The following TONSL variants were observed in gnomAD, a reference collection of about 807,000 sequenced individuals.
TONSL encodes the protein tonsoku-like protein.
In TONSL, 112 loss-of-function variants were observed where a neutral mutation model predicts 147.1. The observed-to-expected ratio is 0.76, with a 90% CI of 0.65 to 0.89. TONSL has a LOEUF of 0.89. Ranked by LOEUF, TONSL falls within the 40% of genes least tolerant of loss-of-function variation. The pLI is 0.00. For missense variants in TONSL, 1,883 were observed against 1,864.6 expected, an observed-to-expected ratio of 1.01 and a Z score of -0.18; for synonymous variants, 868 against 801.5, an observed-to-expected ratio of 1.08 and a Z score of -1.40.
intron 7 of TONSL, 45 bp downstream of exon 7, chr8:144,441,992 C>A: frequency 1.3e-6 from 2 of 1,568,956 alleles, no homozygotes; most frequent in East Asian, 2.2e-5. Context: ...CCAGGCTCAC[C>A]CCTGCACACA....
intron 25 of TONSL, among the ~76,000 whole-genome samples, chr8:144,430,200 C>A (rs547595597): frequency 2.0e-5 from 3 of 152,166 alleles, no homozygotes; most frequent in African/African-American, 4.8e-5. Context: ...ACCCACCTCG[C>A]CCCCTAACCC....
rs1341748310 is a variant in TONSL, at chr8:144,436,399, G to A, written c.2034C>T (p.Ala678=). Residue 678 remains alanine, a synonymous_variant, in exon 17 of 26, where the codon GCC becomes GCT. Transcript: ENST00000409379. ...ASGQDPHSSQ[A]FHTPSSLLFD... ...ACAGAAGGCTGCTTGGGGTGTGGAAGGCCTGGGAGCTGTGGGGATCTGTGG... is the reference window on the plus strand; with the variant it reads ...ACAGAAGGCTGCTTGGGGTGTGGAAAGCCTGGGAGCTGTGGGGATCTGTGG... 2.0e-6 allele frequency: 3 copies of A among 1,506,808 alleles called. No homozygotes were observed. The highest frequency in any genetic ancestry group is 2.3e-5 in the East Asian group (1 of 43,998). The allele number at this position is 1,506,808 out of a possible 1,614,324, so 93.3% of individuals were successfully genotyped here.
At position 144,434,259 on chromosome 8, in the gene TONSL, G is replaced by C; in HGVS notation, c.3106C>G (p.Gln1036Glu). The change falls in exon 21 of 26, where the codon CAG (glutamine) becomes GAG (glutamate). Residue 1036 changes from glutamine to glutamate, a missense_variant. By Grantham distance (29) the Gln-to-Glu change is conservative (BLOSUM62 2). Coordinates refer to ENST00000409379, the MANE Select transcript of TONSL (RefSeq NM_013432.5). ...LGQGEHQQVLQAVELQGLGLS... is the reference protein window; with the variant it reads ...LGQGEHQQVLEAVELQGLGLS... ...CCCAAGCCCTGGAGCTCCACGGCCT[G>C]CAGCACCTGTTGGTGCTCCCCTGCG... is the stretch of plus-strand genomic sequence containing the variant. The C allele has an allele frequency of 6.6e-7, 1 of 1,516,056 alleles. No homozygotes were observed. The highest frequency in any genetic ancestry group is 2.3e-5 in the East Asian group (1 of 42,930). 93.9% of individuals were successfully genotyped at this position (1,516,056 alleles called of 1,614,324 possible). A position where few individuals can be genotyped will look rare whatever the true frequency, so the allele number is the denominator to read the frequency against.
Position 144,430,432 on chromosome 8 carries a change from G to A in TONSL, c.3915C>T (p.Pro1305=). ...ACAGGCCAAGGAAGCTAAGGCCTTG[G>A]GGCCGCTTTTGGAGGGTGGACAGGA... ...EELLSTLQKR[P]QGLSFLGLSG... The change falls in exon 25 of 26, where the codon CCC becomes CCT. Residue 1305 remains proline, a synonymous_variant. Transcript: ENST00000409379. 1.2e-6 allele frequency: 2 copies of A among 1,611,858 alleles called. No homozygotes were observed. Among genetic ancestry groups the A allele is most frequent in the Non-Finnish European group, 1.7e-6 (2 of 1,179,040 alleles).
In TONSL at chr8:144,429,112, T is replaced by G; in HGVS notation, c.*31A>C. 1.3e-6 allele frequency: 2 copies of G among 1,494,688 alleles called. No homozygotes were observed. The highest frequency in any genetic ancestry group is 1.8e-6 in the Non-Finnish European group (2 of 1,127,258). The allele number at this position is 1,494,688 out of a possible 1,614,324, so 92.6% of individuals were successfully genotyped here. A position where few individuals can be genotyped will look rare whatever the true frequency, so the allele number is the denominator to read the frequency against. ...CCAGCAGCTTCATTTATTAGGGGCT[T>G]CGGTGAGGGTGGGGAAAGGCAGCGC... On this transcript the variant is annotated 3_prime_UTR_variant, in exon 26 of 26. Transcript: ENST00000409379.
chr8:144,435,911 G>A lies in TONSL; in HGVS notation c.2522C>T (p.Pro841Leu), dbSNP rs201651076. The A allele has an allele frequency of 3.1e-5, 49 of 1,589,348 alleles. No homozygotes were observed. The African/African-American group carries it at 5.0e-4, about 16-fold the overall frequency. ...LAGDWLELDMPLTRSRRPRPR... is the reference protein window; with the variant it reads ...LAGDWLELDMLLTRSRRPRPR... The stretch of plus-strand genomic sequence containing the variant: ...GCGGGGCCGGCGGCTGCGGGTCAGG[G>A]GCATGTCCAGCTCCAGCCAGTCCCC... The change falls in exon 17 of 26, where the codon CCC (proline) becomes CTC (leucine). Residue 841 changes from proline (P) to leucine (L), a missense_variant. Physicochemically the swap from Pro to Leu is moderately conservative, Grantham distance 98 (BLOSUM62 -3). Transcript: ENST00000409379.
Position 144,428,792 on chromosome 8 carries a change from A to ATTTT in TONSL, c.*347_*350dup. ...GGGAGGCAGCAGCTTCATTTATTTT[A>ATTTT]TTTTTTTTTTTTTTTGAGACGGAGT... On this transcript the variant is annotated 3_prime_UTR_variant, in exon 26 of 26. Coordinates refer to ENST00000409379, the MANE Select transcript of TONSL (RefSeq NM_013432.5). The ATTTT allele has an allele frequency of 8.6e-6, 1 of 116,710 alleles. No homozygotes were observed. The highest frequency in any genetic ancestry group is 2.3e-4 in the South Asian group (1 of 4,386). The allele number at this position is 116,710 out of a possible 1,614,324, so 7.2% of individuals were successfully genotyped here.
chr8:144,435,450 G>A lies in TONSL; in HGVS notation c.2852+24C>T, dbSNP rs1010427. 0.55 allele frequency: 835,301 copies of A among 1,519,428 alleles called. 231,846 individuals carry two copies. Among genetic ancestry groups the A allele is most frequent in the Middle Eastern group, 0.64 (3,713 of 5,806 alleles). The allele number at this position is 1,519,428 out of a possible 1,614,324, so 94.1% of individuals were successfully genotyped here. ...GCATGGAGCTGCACAGGTGGGCTGC[G>A]GGGTAGGGCAGGCGATGCCTCACCT... On this transcript the variant is annotated intron_variant, in intron 18 of 25. Transcript: ENST00000409379.
chr8:144,435,841 C>T lies in TONSL; in HGVS notation c.2592G>A (p.Gly864=). The part of the protein sequence containing the change: ...GDNRRPSSTS[G]SDSEESRPRA... ...GGGGCCTGCTCTCCTCACTGTCCGA[C>T]CCAGAGGTACTACTGGGCCTGCGGT... The change falls in exon 17 of 26, where the codon GGG becomes GGA. Residue 864 remains glycine (G), a synonymous_variant. Coordinates refer to ENST00000409379, the MANE Select transcript of TONSL (RefSeq NM_013432.5). 6.2e-7 allele frequency: 1 copy of T among 1,611,162 alleles called. No homozygotes were observed. Among genetic ancestry groups the T allele is most frequent in the East Asian group, 2.2e-5 (1 of 44,746 alleles).
intron 7 of TONSL, 125 bp from the exon 8 acceptor site, chr8:144,441,236 G>A: frequency 7.3e-7 from 1 of 1,360,880 alleles, no homozygotes; most frequent in Non-Finnish European, 9.9e-7. Context: ...GCCTGTTGGT[G>A]TGGGGGTTAA....
chr8:144,430,890 T>C (rs1823160358), intron 24 of TONSL, among the ~76,000 whole-genome samples, 188 bp downstream of exon 24: 1 of 152,200 alleles, frequency 6.6e-6, no homozygotes, highest in African/African-American at 2.4e-5. Context: ...AGGCCCATGC[T>C]AAGAAAGAAG....
In TONSL at chr8:144,440,198, G is replaced by C; in HGVS notation, c.1303C>G (p.Gln435Glu). ...CTCAGCTGCACGGTATGGAGATGCTGCAAGACCTGCCTCTGAGGAGCAGAG... is the reference window on the plus strand; with the variant it reads ...CTCAGCTGCACGGTATGGAGATGCTCCAAGACCTGCCTCTGAGGAGCAGAG... ...QRPQLQRQVL[Q>E]HLHTVQLRLQ... The change falls in exon 11 of 26, where the codon CAG becomes GAG. Residue 435 changes from glutamine (Q) to glutamate (E), a missense_variant. Gln to Glu is a conservative substitution (Grantham distance 29, BLOSUM62 2). Coordinates refer to ENST00000409379, the MANE Select transcript of TONSL (RefSeq NM_013432.5). The C allele has an allele frequency of 6.3e-7, 1 of 1,596,758 alleles. No homozygotes were observed. The highest frequency in any genetic ancestry group is 8.5e-7 in the Non-Finnish European group (1 of 1,172,002).
intron 12 of TONSL, 32 bp downstream of exon 12, chr8:144,438,621 C>CG: frequency 9.8e-7 from 1 of 1,020,802 alleles, no homozygotes; most frequent in Non-Finnish European, 1.4e-6. Context: ...GGCTGCTGAG[C>CG]GGGGTGGGTG....
Position 144,440,958 on chromosome 8 carries a change from C to G in TONSL, c.1011+8G>C. On this transcript the variant is annotated splice_region_variant and intron_variant, in intron 8 of 25. Coordinates refer to ENST00000409379, the MANE Select transcript of TONSL (RefSeq NM_013432.5). ...GCCCTTCCCTCCCACCCAGCCGGGG[C>G]CACACACCTGCTTCTGGTAAGCCTC... 1 of 1,613,078 alleles carries G rather than the reference C, an allele frequency of 6.2e-7. No homozygotes were observed. Among genetic ancestry groups the G allele is most frequent in the Non-Finnish European group, 8.5e-7 (1 of 1,179,968 alleles).
At position 144,436,080 on chromosome 8, in the gene TONSL, C is replaced by T. The variant is rs1176354379; in HGVS notation, c.2353G>A (p.Ala785Thr). ...TGGTAGGCTGCCCGGCTGGTGCTGG[C>T]TGTGGCTGCTTCCCTGTTGCTGGCG... ...GPASNREAAT[A>T]STSRAAYQAA... is the part of the protein sequence containing the mutation. Residue 785 changes from alanine to threonine, a missense_variant, in exon 17 of 26, where the codon GCC becomes ACC. Physicochemically the swap from Ala to Thr is moderately conservative, Grantham distance 58 (BLOSUM62 0). Transcript: ENST00000409379. 1 of 1,569,960 alleles carries T rather than the reference C, an allele frequency of 6.4e-7. No homozygotes were observed. The highest frequency in any genetic ancestry group is 2.3e-5 in the East Asian group (1 of 42,772).
rs1823579409 is a variant in TONSL at position 144,438,750 on chromosome 8, A to C, written c.1481-15T>G. The C allele has an allele frequency of 1.2e-6, 2 of 1,612,110 alleles. No homozygotes were observed. Among genetic ancestry groups the C allele is most frequent in the Non-Finnish European group, 1.7e-6 (2 of 1,179,600 alleles). Reference sequence around the variant, plus strand: ...GGTGTCGTCCTCTGGAACAGAGCCAAGCCCACCCCAGGGGAGTCCGTGGGA... The same window carrying C: ...GGTGTCGTCCTCTGGAACAGAGCCACGCCCACCCCAGGGGAGTCCGTGGGA... On this transcript the variant is annotated splice_polypyrimidine_tract_variant and intron_variant, in intron 11 of 25. Coordinates refer to ENST00000409379, the MANE Select transcript of TONSL (RefSeq NM_013432.5).
rs1823769470 is a variant in TONSL, at chr8:144,442,791, C to T, written c.464G>A (p.Gly155Glu). ...DEELEGTLAQ[G>E]ELNEMRTRLY... ...GCGGGTCCTCATCTCATTCAGCTCT[C>T]CCTGGGCCAGTGTCCCTGGAAGATA... is the stretch of plus-strand genomic sequence containing the variant. The change falls in exon 5 of 26, where the codon GGA becomes GAA. Residue 155 changes from glycine to glutamate, a missense_variant. Gly to Glu is a moderately conservative substitution (Grantham distance 98). Transcript: ENST00000409379. 1 of 1,612,044 alleles carries T rather than the reference C, an allele frequency of 6.2e-7. No homozygotes were observed. The highest frequency in any genetic ancestry group is 1.7e-5 in the Admixed American group (1 of 59,916).
chr8:144,440,314 AC>A, intron 10 of TONSL, 36 bp downstream of exon 10: 1 of 1,565,164 alleles, frequency 6.4e-7, no homozygotes, highest in Non-Finnish European at 8.7e-7. Flanking sequence ...AGCTGGGCTC[AC>A]CGGGGAGCCA....
At chr8:144,441,143 C>A in intron 7 of TONSL, 32 bp from the exon 8 acceptor site, 1 of 1,607,964 alleles carries the variant, frequency 6.2e-7, no homozygotes, top group Non-Finnish European at 8.5e-7. Flanking sequence ...AGGGGGGCAG[C>A]ACAGGGGGCC....
Sources: gnomAD v4.1 joint callset for allele counts (sites outside exome capture counted in the v4.1 genomes callset) on GRCh38, gnomAD v4.1.1 for gene constraint, MANE v1.5 for transcripts, NCBI Gene and HGNC (gene_info 2026-07-23, HGNC 2026-07-21) for gene names.